The following MAGI1 variants were observed in gnomAD, a reference collection of about 807,000 sequenced individuals.
MAGI1 encodes the protein membrane associated guanylate kinase, WW and PDZ domain containing 1.
Under a neutral mutation model 139.9 loss-of-function variants are expected in MAGI1, and 58 were observed. The observed-to-expected ratio is 0.41, with a 90% CI of 0.34 to 0.52. MAGI1 has a LOEUF of 0.52. Among genes scored for constraint, MAGI1 ranks in the 20% least tolerant of loss-of-function variants. The probability of loss-of-function intolerance (pLI) is 0.12; values close to 1 mark genes in which losing one functional copy is unlikely to be tolerated. For synonymous variants in MAGI1, 812 were observed against 737.9 expected (o/e 1.10, Z -1.63); for missense variants, 1,874 against 1,901.6 (o/e 0.99, Z 0.27).
chr3:66,007,326 G>A (rs1004343281), intron 1 of MAGI1, among the ~76,000 whole-genome samples: 6 of 152,308 alleles, frequency 3.9e-5, no homozygotes, highest in South Asian at 4.1e-4. Flanking sequence ...ATGACACACT[G>A]TCTCTTTTCC....
intron 1 of MAGI1, among the ~76,000 whole-genome samples, chr3:65,708,847 T>C (rs1272121566): frequency 1.3e-5 from 2 of 152,176 alleles, no homozygotes; most frequent in East Asian, 3.9e-4. Flanking sequence ...AATTCCAGGA[T>C]ACCTGGGTAG....
intron 1 of MAGI1, among the ~76,000 whole-genome samples, chr3:65,757,711 G>A (rs140651814): frequency 1.3e-5 from 2 of 152,170 alleles, no homozygotes. Flanking sequence ...AAGTGTTTCA[G>A]TTTATGCAGG....
At chr3:65,693,395 C>A (rs912388110) in intron 1 of MAGI1, among the ~76,000 whole-genome samples, 1 of 152,194 alleles carries the variant, frequency 6.6e-6, no homozygotes, top group African/African-American at 2.4e-5. Context: ...AGGACTTGGA[C>A]CCTTGTCCAC....
At chr3:65,445,927 C>G (rs1056151964) in intron 7 of MAGI1, among the ~76,000 whole-genome samples, 10 of 152,152 alleles carry the variant, frequency 6.6e-5, no homozygotes, top group African/African-American at 2.4e-4. Context: ...AATTAGGACC[C>G]TCTTATTAAG....
At chr3:65,640,117 A>G (rs1013515640) in intron 1 of MAGI1, among the ~76,000 whole-genome samples, 46 of 152,046 alleles carry the variant, frequency 3.0e-4, no homozygotes, top group African/African-American at 9.7e-4. Flanking sequence ...AACTGGGAGT[A>G]CCATCAGCTC....
chr3:65,610,182 A>T (rs548507396), intron 2 of MAGI1, among the ~76,000 whole-genome samples: 1 of 152,162 alleles, frequency 6.6e-6, no homozygotes. Context: ...TCCTTGACTC[A>T]AGTGGATTGG....
intron 1 of MAGI1, among the ~76,000 whole-genome samples, chr3:65,722,893 G>T (rs1394627449): frequency 6.6e-6 from 1 of 152,006 alleles, no homozygotes; most frequent in Non-Finnish European, 1.5e-5. Flanking sequence ...TGGGGGTAGG[G>T]GAGGGGTGGA....
intron 1 of MAGI1, among the ~76,000 whole-genome samples, chr3:65,988,554 C>A (rs1005332001): frequency 6.6e-6 from 1 of 152,168 alleles, no homozygotes; most frequent in Non-Finnish European, 1.5e-5. Flanking sequence ...AGCAGAAACA[C>A]AACAAAGAAC....
chr3:65,390,088 G>A lies in MAGI1; in HGVS notation c.2416+1054C>T, dbSNP rs184714572. 7.2e-5 allele frequency among the ~76,000 whole-genome samples: 11 copies of A among 152,284 alleles called. 1 individual carries two copies. The highest frequency in any genetic ancestry group is 7.2e-4 in the Admixed American group (11 of 15,300). On this transcript the variant is annotated intron_variant, in intron 14 of 22. Coordinates refer to ENST00000402939, the MANE Select transcript of MAGI1 (RefSeq NM_001033057.2). ...TCGGCCGGCAAAGGAAGCACAGCATGGCCAAGTCTGTGTAGTGGACGGGAG... is the reference window on the plus strand; with the variant it reads ...TCGGCCGGCAAAGGAAGCACAGCATAGCCAAGTCTGTGTAGTGGACGGGAG...
chr3:65,662,758 T>A lies in MAGI1; in HGVS notation c.314-40670A>T, dbSNP rs1423815537. On this transcript the variant is annotated intron_variant, in intron 1 of 22. Transcript: ENST00000402939. ...CTTAGCAAATTTCCAGTATACGATA[T>A]TATTAACTATAGTCCTCATACTATA... Among the ~76,000 whole-genome samples the A allele has an allele frequency of 5.9e-5, 9 of 152,298 alleles. No individual in the cohort carries two copies. The East Asian group carries it at 1.3e-3, about 23-fold the overall frequency.
chr3:65,400,879 C>G (rs1944830486), intron 13 of MAGI1, among the ~76,000 whole-genome samples: 1 of 143,792 alleles, frequency 7.0e-6, no homozygotes, highest in Non-Finnish European at 1.5e-5. Flanking sequence ...ATTCTCAGTG[C>G]TGGGGCAGTG....
At chr3:65,811,578 T>C (rs1350996502) in intron 1 of MAGI1, among the ~76,000 whole-genome samples, 1 of 152,204 alleles carries the variant, frequency 6.6e-6, no homozygotes, top group Non-Finnish European at 1.5e-5. Flanking sequence ...AGTCAGTCTC[T>C]GTGGGTTCCT....
At chr3:65,952,304 T>C (rs1321420576) in intron 1 of MAGI1, among the ~76,000 whole-genome samples, 3 of 152,218 alleles carry the variant, frequency 2.0e-5, no homozygotes, top group Non-Finnish European at 2.9e-5. Context: ...AATTTGGTGT[T>C]CATGACTCAT....
In MAGI1 at chr3:65,854,905, G is replaced by A. The variant is rs150372167; in HGVS notation, c.313+183091C>T. Among the ~76,000 whole-genome samples, 6 of 152,344 alleles carry A rather than the reference G, an allele frequency of 3.9e-5. No homozygotes were observed. The East Asian group carries it at 1.2e-3, about 29-fold the overall frequency. On this transcript the variant is annotated intron_variant, in intron 1 of 22. Coordinates refer to ENST00000402939, the MANE Select transcript of MAGI1 (RefSeq NM_001033057.2). ...GGGAGAAGTATGACACCTTGGAAAC[G>A]TAAACAGCATCCCCTAATCAAGGGC...
chr3:65,718,241 G>C (rs1217820896), intron 1 of MAGI1, among the ~76,000 whole-genome samples: 1 of 151,998 alleles, frequency 6.6e-6, no homozygotes, highest in Non-Finnish European at 1.5e-5. Flanking sequence ...CATTCTAACA[G>C]CAGAAGCAAG....
In MAGI1 at chr3:65,391,240, G is replaced by A. The variant is rs1358594886; in HGVS notation, c.2318C>T (p.Ala773Val). 1.2e-6 allele frequency: 2 copies of A among 1,614,072 alleles called. No individual in the cohort carries two copies. The highest frequency in any genetic ancestry group is 1.3e-5 in the African/African-American group (1 of 74,910). ...STQVLPEFPP[A>V]EAQAPDQTDS... ...AGTTTGATCTGGAGCTTGGGCCTCT[G>A]CAGGTGGGAACTCGGGGAGCACCTG... Residue 773 changes from alanine (A) to valine (V), a missense_variant, in exon 14 of 23, where the codon GCA (alanine) becomes GTA (valine). Coordinates refer to ENST00000402939, the MANE Select transcript of MAGI1 (RefSeq NM_001033057.2).
intron 2 of MAGI1, among the ~76,000 whole-genome samples, chr3:65,590,386 A>C (rs1321490317): frequency 6.6e-6 from 1 of 152,232 alleles, no homozygotes; most frequent in Non-Finnish European, 1.5e-5. Context: ...CGGTAAAAAA[A>C]TCATAAAGAT....
At chr3:66,033,437 T>C (rs1395912788) in intron 1 of MAGI1, among the ~76,000 whole-genome samples, 2 of 152,128 alleles carry the variant, frequency 1.3e-5, no homozygotes, top group Non-Finnish European at 2.9e-5. Context: ...TACCCACTAC[T>C]AGCACTGGTT....
At chr3:65,872,376 T>C (rs558885455) in intron 1 of MAGI1, among the ~76,000 whole-genome samples, 2 of 152,340 alleles carry the variant, frequency 1.3e-5, no homozygotes, top group South Asian at 4.1e-4. Context: ...TCCTCTCCAC[T>C]GTCTTCCCTT....
Sources: allele counts gnomAD v4.1 joint callset (sites outside exome capture counted in the v4.1 genomes callset), GRCh38; gene constraint gnomAD v4.1.1; transcripts MANE v1.5; gene names NCBI Gene and HGNC (gene_info 2026-07-23, HGNC 2026-07-21).